Variants in DLGAP1 observed in about 807,000 individuals in gnomAD.
DLGAP1 encodes the protein disks large-associated protein 1.
In DLGAP1, 11 loss-of-function variants were observed where a neutral mutation model predicts 90.8. The observed-to-expected ratio is 0.12, with a 90% CI of 0.08 to 0.20. The LOEUF (loss-of-function observed/expected upper bound fraction) is 0.20, where lower values mean the gene tolerates loss of function less well. Ranked by LOEUF, DLGAP1 falls within the 10% of genes least tolerant of loss-of-function variation. The probability of loss-of-function intolerance (pLI) is 1.00; values close to 1 mark genes in which losing one functional copy is unlikely to be tolerated. For missense variants in DLGAP1, 1,050 were observed against 1,333.8 expected (o/e 0.79, Z 3.31); for synonymous variants, 558 against 540.7 (o/e 1.03, Z -0.44).
At chr18:3,931,294 C>CTCTG (rs1400952739) in intron 3 of DLGAP1, among the ~76,000 whole-genome samples, 12 of 152,154 alleles carry the variant, frequency 7.9e-5, no homozygotes, top group African/African-American at 2.9e-4. Flanking sequence ...TCTGCTTTGG[C>CTCTG]TCTGGCCCAT....
At chr18:3,688,447 AG>A (rs760047052) in intron 7 of DLGAP1, among the ~76,000 whole-genome samples, 4 of 152,122 alleles carry the variant, frequency 2.6e-5, no homozygotes, top group Non-Finnish European at 5.9e-5. Context: ...CCTAAGGGAA[AG>A]ATCAGTGAAA....
intron 1 of DLGAP1, among the ~76,000 whole-genome samples, chr18:4,421,604 C>T (rs998029656): frequency 3.3e-5 from 5 of 152,032 alleles, no homozygotes; most frequent in South Asian, 4.1e-4. Flanking sequence ...GATTCATACA[C>T]GTTTGAAAAA....
chr18:4,409,927 T>A (rs930959027), intron 1 of DLGAP1, among the ~76,000 whole-genome samples: 1 of 151,874 alleles, frequency 6.6e-6, no homozygotes, highest in South Asian at 2.1e-4. Context: ...AGTCAACGAG[T>A]GGATAAAAAA....
chr18:4,389,934 T>C (rs1438858839), intron 1 of DLGAP1, among the ~76,000 whole-genome samples: 1 of 152,202 alleles, frequency 6.6e-6, no homozygotes, highest in African/African-American at 2.4e-5. Context: ...TTCCTTCATG[T>C]TTCTAAGATA....
intron 3 of DLGAP1, among the ~76,000 whole-genome samples, chr18:3,897,785 T>G (rs2071664663): frequency 7.6e-6 from 1 of 131,322 alleles, no homozygotes; most frequent in Non-Finnish European, 1.6e-5. Flanking sequence ...CTGATTTTTT[T>G]TTTTTTTTTT....
chr18:4,321,613 G>T (rs2080688633), intron 1 of DLGAP1, among the ~76,000 whole-genome samples: 1 of 152,114 alleles, frequency 6.6e-6, no homozygotes, highest in South Asian at 2.1e-4. Context: ...CTGAAAACAG[G>T]CTTTGAACAC....
intron 10 of DLGAP1, among the ~76,000 whole-genome samples, chr18:3,509,848 G>A (rs899251285): frequency 5.3e-5 from 8 of 152,278 alleles, no homozygotes; most frequent in African/African-American, 1.9e-4. Context: ...GGTTTCTGAT[G>A]CACATTCTAC....
At chr18:4,239,017 T>C (rs963512946) in intron 1 of DLGAP1, among the ~76,000 whole-genome samples, 1 of 152,244 alleles carries the variant, frequency 6.6e-6, no homozygotes, top group Non-Finnish European at 1.5e-5. Flanking sequence ...GTAGACTTTA[T>C]CACTGAGTAG....
intron 7 of DLGAP1, among the ~76,000 whole-genome samples, chr18:3,647,623 G>A (rs923875227): frequency 3.3e-5 from 5 of 151,954 alleles, no homozygotes; most frequent in Admixed American, 6.6e-5. Context: ...GTGCCACCAC[G>A]CCTGGCTAAT....
At chr18:3,687,612 C>G (rs1398307354) in intron 7 of DLGAP1, among the ~76,000 whole-genome samples, 1 of 152,054 alleles carries the variant, frequency 6.6e-6, no homozygotes, top group African/African-American at 2.4e-5. Context: ...GCTTTATTAA[C>G]TAATTATATA....
At chr18:4,402,264 G>A (rs1425798033) in intron 1 of DLGAP1, among the ~76,000 whole-genome samples, 2 of 152,158 alleles carry the variant, frequency 1.3e-5, no homozygotes, top group Non-Finnish European at 2.9e-5. Flanking sequence ...TGCATAAGAG[G>A]TCATAGTTAA....
At chr18:4,132,722 G>A (rs1032328480) in intron 2 of DLGAP1, among the ~76,000 whole-genome samples, 9 of 152,050 alleles carry the variant, frequency 5.9e-5, no homozygotes, top group South Asian at 2.1e-4. Context: ...CTAAAGTATC[G>A]TATTCAAAAT....
intron 1 of DLGAP1, among the ~76,000 whole-genome samples, chr18:4,285,996 C>T (rs919161620): frequency 5.3e-5 from 8 of 152,024 alleles, no homozygotes; most frequent in Non-Finnish European, 1.0e-4. Flanking sequence ...GTAAAATTAC[C>T]CCACTCAGAG....
At chr18:4,137,939 T>C (rs2076433229) in intron 2 of DLGAP1, among the ~76,000 whole-genome samples, 1 of 152,186 alleles carries the variant, frequency 6.6e-6, no homozygotes, top group Non-Finnish European at 1.5e-5. Flanking sequence ...ATAGAAATGC[T>C]ACGGATTTTT....
intron 3 of DLGAP1, among the ~76,000 whole-genome samples, chr18:3,959,650 C>T (rs1026044613): frequency 3.1e-5 from 4 of 130,230 alleles, no homozygotes; most frequent in East Asian, 4.4e-4. Flanking sequence ...GGTGACAGAG[C>T]GAGACTCTGT....
At chr18:3,641,089 C>T (rs558095164) in intron 7 of DLGAP1, among the ~76,000 whole-genome samples, 38 of 152,184 alleles carry the variant, frequency 2.5e-4, no homozygotes, top group African/African-American at 8.9e-4. Context: ...CAAGAGTACA[C>T]TAGTATTCCA....
intron 4 of DLGAP1, among the ~76,000 whole-genome samples, chr18:3,862,462 C>T (rs533806743): frequency 6.6e-6 from 1 of 152,326 alleles, no homozygotes; most frequent in South Asian, 2.1e-4. Context: ...CCGCCCAAAA[C>T]TCAGCGTGAG....
intron 4 of DLGAP1, among the ~76,000 whole-genome samples, chr18:3,867,247 C>T (rs1188300465): frequency 6.6e-6 from 1 of 152,178 alleles, no homozygotes; most frequent in Non-Finnish European, 1.5e-5. Flanking sequence ...AGTGCCACTG[C>T]TTTTCCCCGC....
At chr18:4,105,764 C>T (rs1463249743) in intron 2 of DLGAP1, among the ~76,000 whole-genome samples, 2 of 152,172 alleles carry the variant, frequency 1.3e-5, no homozygotes, top group African/African-American at 4.8e-5. Context: ...GGCGCGGTGG[C>T]TCACGCCTGT....
Sources: gnomAD v4.1 joint callset for allele counts (sites outside exome capture counted in the v4.1 genomes callset) on GRCh38, gnomAD v4.1.1 for gene constraint, MANE v1.5 for transcripts, NCBI Gene and HGNC (gene_info 2026-07-23, HGNC 2026-07-21) for gene names.